The following ANKRD55 variants were observed in gnomAD, a reference collection of about 807,000 sequenced individuals.
The protein encoded by ANKRD55 is ankyrin repeat domain-containing protein 55.
In ANKRD55, 41 loss-of-function variants were observed where a neutral mutation model predicts 60.6. The ratio of observed to expected loss-of-function variants is 0.68; its 90% confidence interval spans 0.53 to 0.88. The LOEUF is 0.88. Among genes scored for constraint, ANKRD55 ranks in the 40% least tolerant of loss-of-function variants. The probability of loss-of-function intolerance (pLI) is 0.00; values close to 1 mark genes in which losing one functional copy is unlikely to be tolerated. For synonymous variants in ANKRD55, 264 were observed against 290.3 expected (o/e 0.91, Z 0.92); for missense variants, 732 against 767.6 (o/e 0.95, Z 0.55).
intron 6 of ANKRD55, among the ~76,000 whole-genome samples, chr5:56,157,594 C>T (rs117457625): frequency 1.3e-5 from 2 of 152,208 alleles, no homozygotes; most frequent in African/African-American, 2.4e-5. Context: ...AGATGAGACA[C>T]GCTGGCGGCA....
intron 7 of ANKRD55, among the ~76,000 whole-genome samples, chr5:56,129,146 A>AGACT (rs201460877): frequency 0.016 from 2,421 of 152,322 alleles, 43 homozygotes; most frequent in Admixed American, 0.041. Context: ...TTAACAATCT[A>AGACT]GACTGTGTGT....
intron 2 of ANKRD55, among the ~76,000 whole-genome samples, chr5:56,225,051 T>C (rs1760071756): frequency 6.6e-6 from 1 of 152,134 alleles, no homozygotes; most frequent in Non-Finnish European, 1.5e-5. Context: ...TTTAGACCAA[T>C]ATCCTTGATG....
In ANKRD55 at chr5:56,161,998, CCTTT is replaced by C. The variant is rs1758344383; in HGVS notation, c.423-2109_423-2106del. On this transcript the variant is annotated intron_variant, in intron 5 of 11. Transcript: ENST00000341048. ...GGGCTTACCTTGTGACTGTGCTTCT[CCTTT>C]CTTTCTTTCCTTTCTGTCTTCTCTG... is the stretch of plus-strand genomic sequence containing the variant. The C allele has an allele frequency of 6.1e-6, 6 of 985,382 alleles. No individual in the cohort carries two copies. The African/African-American group carries it at 7.0e-5, about 11-fold the overall frequency. 61.0% of individuals were successfully genotyped at this position (985,382 alleles called of 1,614,324 possible).
chr5:56,151,390 C>A (rs1561271289), intron 6 of ANKRD55, among the ~76,000 whole-genome samples: 1 of 151,938 alleles, frequency 6.6e-6, no homozygotes, highest in Non-Finnish European at 1.5e-5. Flanking sequence ...CACCTGGAGT[C>A]AAGTCTGGGA....
chr5:56,135,922 T>C lies in ANKRD55; in HGVS notation c.612+7879A>G, dbSNP rs74288191. On this transcript the variant is annotated intron_variant, in intron 7 of 11. Transcript: ENST00000341048. The stretch of plus-strand genomic sequence containing the variant: ...TTTCTATATACTAGCAATGAGCAAA[T>C]AGAATTTGAAATTAAAAATACAATA... 2.8e-4 allele frequency among the ~76,000 whole-genome samples: 43 copies of C among 152,206 alleles called. No homozygotes were observed. The East Asian group carries it at 7.7e-3, about 27-fold the overall frequency.
chr5:56,225,536 G>GT (rs1760088658), intron 2 of ANKRD55, among the ~76,000 whole-genome samples: 1 of 152,210 alleles, frequency 6.6e-6, no homozygotes, highest in African/African-American at 2.4e-5. Flanking sequence ...AAAACAGGAA[G>GT]TCAAATTGTC....
At chr5:56,178,396 C>T (rs890557141) in intron 3 of ANKRD55, among the ~76,000 whole-genome samples, 6 of 151,488 alleles carry the variant, frequency 4.0e-5, no homozygotes, top group Admixed American at 3.9e-4. Context: ...TGAGGTGTCT[C>T]TAACTGAGGT....
chr5:56,215,844 G>A (rs918239472), intron 2 of ANKRD55, among the ~76,000 whole-genome samples: 1 of 152,120 alleles, frequency 6.6e-6, no homozygotes, highest in Admixed American at 6.5e-5. Flanking sequence ...ATAACCCAGA[G>A]TGATAGCTCT....
intron 2 of ANKRD55, among the ~76,000 whole-genome samples, chr5:56,221,796 G>A (rs1259798067): frequency 3.3e-5 from 5 of 152,238 alleles, no homozygotes; most frequent in Admixed American, 3.3e-4. Flanking sequence ...CGAGGCTGGG[G>A]GAAGGGCATG....
intron 11 of ANKRD55, among the ~76,000 whole-genome samples, chr5:56,102,153 G>A (rs919501751): frequency 1.3e-5 from 2 of 152,108 alleles, no homozygotes; most frequent in African/African-American, 4.8e-5. Context: ...TTGGGAGGCC[G>A]AGGTGGGTGG....
At chr5:56,191,652 G>A (rs1315753173) in intron 2 of ANKRD55, among the ~76,000 whole-genome samples, 2 of 152,176 alleles carry the variant, frequency 1.3e-5, no homozygotes, top group Admixed American at 6.5e-5. Context: ...TGTCACTGAA[G>A]ATGACCTCTC....
chr5:56,173,925 GACTTA>G (rs1297394876), intron 4 of ANKRD55, among the ~76,000 whole-genome samples: 1 of 152,098 alleles, frequency 6.6e-6, no homozygotes, highest in East Asian at 1.9e-4. Flanking sequence ...TTGTGGCTGA[GACTTA>G]ACTTCTAAGT....
Position 56,116,796 on chromosome 5 carries a change from G to GT in ANKRD55, c.798-15dup. ...TGCAGAGGTGTCCTGGAGGGGCCAT[G>GT]TGAAAAAAGCACAAGCGTCTGAGCA... On this transcript the variant is annotated splice_polypyrimidine_tract_variant and intron_variant, in intron 8 of 11. Transcript: ENST00000341048. 6.3e-7 allele frequency: 1 copy of GT among 1,589,106 alleles called. No homozygotes were observed. The highest frequency in any genetic ancestry group is 2.3e-5 in the East Asian group (1 of 43,960).
chr5:56,128,849 C>T (rs1757340469), intron 7 of ANKRD55, among the ~76,000 whole-genome samples: 2 of 152,162 alleles, frequency 1.3e-5, no homozygotes, highest in Admixed American at 6.5e-5. Context: ...TTGGACTTCA[C>T]CACTATACTA....
At chr5:56,204,040 G>A (rs1759443242) in intron 2 of ANKRD55, among the ~76,000 whole-genome samples, 1 of 152,190 alleles carries the variant, frequency 6.6e-6, no homozygotes, top group East Asian at 1.9e-4. Flanking sequence ...GTGTGAGATG[G>A]TATCTCATTG....
chr5:56,120,038 A>G (rs1022924537), intron 8 of ANKRD55, among the ~76,000 whole-genome samples: 2 of 139,206 alleles, frequency 1.4e-5, no homozygotes, highest in African/African-American at 5.1e-5. Context: ...TTTTCTCAAC[A>G]CCATTTTTTT....
At chr5:56,151,890 T>C (rs1027710452) in intron 6 of ANKRD55, among the ~76,000 whole-genome samples, 1 of 149,168 alleles carries the variant, frequency 6.7e-6, no homozygotes, top group Non-Finnish European at 1.5e-5. Context: ...TACATATACA[T>C]ACACACGTAT....
chr5:56,207,642 A>T (rs1759547036), intron 2 of ANKRD55, among the ~76,000 whole-genome samples: 1 of 152,222 alleles, frequency 6.6e-6, no homozygotes, highest in Non-Finnish European at 1.5e-5. Flanking sequence ...GCATTTGTGT[A>T]TCTAAACATA....
intron 2 of ANKRD55, among the ~76,000 whole-genome samples, chr5:56,213,778 A>T (rs994802278): frequency 1.3e-5 from 2 of 152,236 alleles, no homozygotes; most frequent in Non-Finnish European, 2.9e-5. Flanking sequence ...GGAAAGCAGA[A>T]GCACTGCAAA....
Sources: gnomAD v4.1 joint callset for allele counts (sites outside exome capture counted in the v4.1 genomes callset) on GRCh38, gnomAD v4.1.1 for gene constraint, MANE v1.5 for transcripts, NCBI Gene and HGNC (gene_info 2026-07-23, HGNC 2026-07-21) for gene names.